The following AGAP1 variants were observed in gnomAD, a reference collection of about 807,000 sequenced individuals.
AGAP1 encodes ArfGAP with GTPase domain, ankyrin repeat and PH domain 1.
In AGAP1, 29 loss-of-function variants were observed where a neutral mutation model predicts 105.3. That is an observed-to-expected ratio of 0.28 (90% confidence interval 0.21 to 0.38). AGAP1 has a LOEUF of 0.38. Ranked by LOEUF, AGAP1 falls within the 10% of genes least tolerant of loss-of-function variation. The probability of loss-of-function intolerance (pLI) is 1.00; values close to 1 mark genes in which losing one functional copy is unlikely to be tolerated. For synonymous variants in AGAP1, 509 were observed against 485.9 expected, an observed-to-expected ratio of 1.05 and a Z score of -0.63; for missense variants, 998 against 1,165.1, an observed-to-expected ratio of 0.86 and a Z score of 2.09.
chr2:236,011,439 T>A (rs1559189211), intron 13 of AGAP1, among the ~76,000 whole-genome samples: 1 of 152,232 alleles, frequency 6.6e-6, no homozygotes, highest in Non-Finnish European at 1.5e-5. Context: ...TATGTGTTTT[T>A]AAACATGTAA....
At position 235,555,320 on chromosome 2, in the gene AGAP1, A is replaced by G. The variant is rs1249279207; in HGVS notation, c.163+60471A>G. Among the ~76,000 whole-genome samples the G allele has an allele frequency of 3.9e-5, 6 of 152,106 alleles. No homozygotes were observed. Among genetic ancestry groups the G allele is most frequent in the Admixed American group, 3.9e-4 (6 of 15,278 alleles). Reference sequence around the variant, plus strand: ...GGTCTCCATTTCTAGTGTCTGAGTAAAGGCAGTCCCCAGTCCAGTCTGCAA... The same window carrying G: ...GGTCTCCATTTCTAGTGTCTGAGTAGAGGCAGTCCCCAGTCCAGTCTGCAA... On this transcript the variant is annotated intron_variant, in intron 1 of 17. Coordinates refer to ENST00000304032, the MANE Select transcript of AGAP1 (RefSeq NM_001037131.3). The surrounding 1 kb of genome is among the most constrained non-coding windows in gnomAD (Gnocchi z 5.1).
chr2:235,516,404 C>T (rs1942388879), intron 1 of AGAP1, among the ~76,000 whole-genome samples: 1 of 152,034 alleles, frequency 6.6e-6, no homozygotes, highest in Non-Finnish European at 1.5e-5. Flanking sequence ...CACAGTACAG[C>T]TGCTTGTTGA....
rs1030178508 is a variant in AGAP1 at position 235,872,698 on chromosome 2, C to T, written c.1051-10647C>T. Among the ~76,000 whole-genome samples the T allele has an allele frequency of 3.9e-5, 6 of 152,176 alleles. No individual in the cohort carries two copies. In the South Asian group the frequency reaches 1.2e-3, roughly 31 times the overall value. ...GATTGAACATAGAGGAGGCTGTCTG[C>T]GCGCTCAGCCCAGACCAGTGGGGGC... is the stretch of plus-strand genomic sequence containing the variant. On this transcript the variant is annotated intron_variant, in intron 9 of 17. Coordinates refer to ENST00000304032, the MANE Select transcript of AGAP1 (RefSeq NM_001037131.3). The surrounding 1 kb of genome is among the most constrained non-coding windows in gnomAD (Gnocchi z 4.5).
In AGAP1 at chr2:235,578,232, T is replaced by G. The variant is rs1002542437; in HGVS notation, c.163+83383T>G. On this transcript the variant is annotated intron_variant, in intron 1 of 17. Coordinates refer to ENST00000304032, the MANE Select transcript of AGAP1 (RefSeq NM_001037131.3). The surrounding 1 kb of genome is among the most constrained non-coding windows in gnomAD (Gnocchi z 4.9). ...TGCCACTGTCAGAGCCAGCCTGAGC[T>G]CCACGGTGCCCGTCTCCTACCTGCA... Among the ~76,000 whole-genome samples, 1 of 152,066 alleles carries G rather than the reference T, an allele frequency of 6.6e-6. No homozygotes were observed. Among genetic ancestry groups the G allele is most frequent in the African/African-American group, 2.4e-5 (1 of 41,416 alleles).
Position 235,557,961 on chromosome 2 carries a change from C to A in AGAP1, c.163+63112C>A, listed in dbSNP as rs768556565. On this transcript the variant is annotated intron_variant, in intron 1 of 17. Coordinates refer to ENST00000304032, the MANE Select transcript of AGAP1 (RefSeq NM_001037131.3). This position sits in a 1 kb window ranked among gnomAD's most constrained non-coding sequence, Gnocchi z 4.7. ...GGACAGGTGAGCTCCCCTCCAGAGG[C>A]TGCCTGTTTGTAAAATAATAGGTTT... Among the ~76,000 whole-genome samples the A allele has an allele frequency of 2.0e-5, 3 of 152,172 alleles. No homozygotes were observed. The highest frequency in any genetic ancestry group is 4.4e-5 in the Non-Finnish European group (3 of 68,038).
intron 9 of AGAP1, among the ~76,000 whole-genome samples, chr2:235,838,813 A>G (rs1338883147): frequency 6.6e-6 from 1 of 152,200 alleles, no homozygotes; most frequent in Non-Finnish European, 1.5e-5. Context: ...TTTAGTGAAC[A>G]GAAAGCCTCT....
chr2:235,960,838 C>T lies in AGAP1; in HGVS notation c.1484-7624C>T, dbSNP rs183413050. The stretch of plus-strand genomic sequence containing the variant: ...GACTTCACTCATGGACTCAGTCGTT[C>T]GCCTAAAAATAGATTCCAAATGGTT... On this transcript the variant is annotated intron_variant, in intron 12 of 17. Transcript: ENST00000304032. The surrounding 1 kb of genome is among the most constrained non-coding windows in gnomAD (Gnocchi z 4.9). Among the ~76,000 whole-genome samples, 4 of 152,294 alleles carry T rather than the reference C, an allele frequency of 2.6e-5. No individual in the cohort carries two copies. The highest frequency in any genetic ancestry group is 3.4e-3 in the Middle Eastern group (1 of 294).
At chr2:235,579,461 A>G (rs868621004) in intron 1 of AGAP1, among the ~76,000 whole-genome samples, 7 of 152,138 alleles carry the variant, frequency 4.6e-5, no homozygotes, top group Non-Finnish European at 1.0e-4. Context: ...AAATTTACAT[A>G]ACATAAAGTT....
chr2:235,786,010 C>T (rs561916489), intron 6 of AGAP1, among the ~76,000 whole-genome samples: 3 of 152,338 alleles, frequency 2.0e-5, no homozygotes, highest in African/African-American at 7.2e-5. Flanking sequence ...GGTGAGCCTT[C>T]ACCTTCAGGG....
In AGAP1 at chr2:235,962,964, C is replaced by T. The variant is rs181949696; in HGVS notation, c.1484-5498C>T. ...TCCTGGGTGGGGGTTCCTGGAGAAC[C>T]GGTGGATCTGTGGGAATCCAGAGTC... On this transcript the variant is annotated intron_variant, in intron 12 of 17. Transcript: ENST00000304032. The surrounding 1 kb of genome is among the most constrained non-coding windows in gnomAD (Gnocchi z 5.3). Among the ~76,000 whole-genome samples the T allele has an allele frequency of 9.3e-4, 142 of 152,208 alleles. No homozygotes were observed. Among genetic ancestry groups the T allele is most frequent in the Middle Eastern group, 3.4e-3 (1 of 294 alleles).
rs1359031287 is a variant in AGAP1 at position 235,692,877 on chromosome 2, C to T, written c.164-16302C>T. Among the ~76,000 whole-genome samples the T allele has an allele frequency of 2.0e-5, 3 of 151,888 alleles. No individual in the cohort carries two copies. The highest frequency in any genetic ancestry group is 2.1e-4 in the South Asian group (1 of 4,802). ...CCCTTGATGTGGCACTGCCTGGCTC[C>T]GGAGATAGCGAGGGAGGGAGGGAGG... On this transcript the variant is annotated intron_variant, in intron 1 of 17. Transcript: ENST00000304032. This position sits in a 1 kb window ranked among gnomAD's most constrained non-coding sequence, Gnocchi z 5.8.
chr2:236,011,835 G>T (rs1576053368), intron 13 of AGAP1, among the ~76,000 whole-genome samples: 1 of 152,040 alleles, frequency 6.6e-6, no homozygotes, highest in South Asian at 2.1e-4. Context: ...CCAGAGGGAG[G>T]CTGCCAGTGG....
chr2:236,063,827 A>T (rs1464909984), intron 16 of AGAP1, among the ~76,000 whole-genome samples: 1 of 152,232 alleles, frequency 6.6e-6, no homozygotes, highest in Non-Finnish European at 1.5e-5. Flanking sequence ...TCAAATAATT[A>T]AATGTCATTT....
At chr2:235,520,379 CG>C (rs1296842669) in intron 1 of AGAP1, among the ~76,000 whole-genome samples, 1 of 152,022 alleles carries the variant, frequency 6.6e-6, no homozygotes, top group Non-Finnish European at 1.5e-5. Context: ...GTTCCATGAC[CG>C]TCTTTCTCTC....
Position 235,734,878 on chromosome 2 carries a change from C to G in AGAP1, c.311-6085C>G, listed in dbSNP as rs1011781809. On this transcript the variant is annotated intron_variant, in intron 3 of 17. Coordinates refer to ENST00000304032, the MANE Select transcript of AGAP1 (RefSeq NM_001037131.3). This position sits in a 1 kb window ranked among gnomAD's most constrained non-coding sequence, Gnocchi z 5.3. ...ATTGGAGTCTTGGTCCTGCCGCGTG[C>G]TGGCCGTGGAGCTCTTGCTCTGTGT... Among the ~76,000 whole-genome samples, 18 of 152,254 alleles carry G rather than the reference C, an allele frequency of 1.2e-4. No homozygotes were observed. The highest frequency in any genetic ancestry group is 4.3e-4 in the African/African-American group (18 of 41,474).
intron 10 of AGAP1, among the ~76,000 whole-genome samples, chr2:235,884,292 A>G (rs1261185277): frequency 6.6e-6 from 1 of 152,188 alleles, no homozygotes; most frequent in Non-Finnish European, 1.5e-5. Context: ...TAAATGGCAT[A>G]GTATCTGCAT....
In AGAP1 at chr2:236,002,387, C is replaced by T. The variant is rs2056159581; in HGVS notation, c.1645+33764C>T. ...CTTCTTCCCTCATCCCCTTTCCCAT[C>T]CTCACTCTCTTCCAAGTATCTGATT... is the stretch of plus-strand genomic sequence containing the variant. On this transcript the variant is annotated intron_variant, in intron 13 of 17. Transcript: ENST00000304032. This position sits in a 1 kb window ranked among gnomAD's most constrained non-coding sequence, Gnocchi z 4.3. 6.6e-6 allele frequency among the ~76,000 whole-genome samples: 1 copy of T among 152,212 alleles called. No individual in the cohort carries two copies. Among genetic ancestry groups the T allele is most frequent in the Non-Finnish European group, 1.5e-5 (1 of 68,044 alleles).
chr2:236,037,445 T>G (rs989546599), intron 14 of AGAP1: 13 of 152,238 alleles, frequency 8.5e-5, no homozygotes, highest in African/African-American at 3.1e-4. Context: ...TCACCTAGGC[T>G]GGAGTACAGT....
At chr2:235,987,783 G>A (rs1248359972) in intron 13 of AGAP1, among the ~76,000 whole-genome samples, 1 of 152,104 alleles carries the variant, frequency 6.6e-6, no homozygotes, top group Admixed American at 6.5e-5. Flanking sequence ...TCATTTAGGA[G>A]CAGGTTGTTC....
Sources: gnomAD v4.1 joint callset for allele counts (sites outside exome capture counted in the v4.1 genomes callset) on GRCh38, gnomAD v4.1.1 for gene constraint, Gnocchi (gnomAD v3.1) non-coding constraint, MANE v1.5 for transcripts, NCBI Gene and HGNC (gene_info 2026-07-23, HGNC 2026-07-21) for gene names.